EEPD1: variants seen among roughly 807,000 people sequenced by gnomAD.
EEPD1 encodes endonuclease/exonuclease/phosphatase family domain-containing protein 1.
In EEPD1, 17 loss-of-function variants were observed where a neutral mutation model predicts 46.3. The observed-to-expected ratio is 0.37, with a 90% CI of 0.25 to 0.55. The LOEUF is 0.55. Ranked by LOEUF, EEPD1 falls within the 20% of genes least tolerant of loss-of-function variation. The pLI, the probability that EEPD1 is intolerant of heterozygous loss-of-function variation, is 0.83. For missense variants in EEPD1, 673 were observed against 745.6 expected (o/e 0.90, Z 1.13); for synonymous variants, 313 against 315.6 (o/e 0.99, Z 0.09).
chr7:36,299,383 G>A lies in EEPD1; in HGVS notation c.*177G>A, dbSNP rs1338413879. The A allele has an allele frequency of 1.3e-6, 1 of 771,374 alleles. No individual in the cohort carries two copies. Among genetic ancestry groups the A allele is most frequent in the East Asian group, 2.7e-5 (1 of 37,082 alleles). The allele number at this position is 771,374 out of a possible 1,614,324, so 47.8% of individuals were successfully genotyped here. On this transcript the variant is annotated 3_prime_UTR_variant, in exon 8 of 8. Transcript: ENST00000242108. The stretch of plus-strand genomic sequence containing the variant: ...CCATTCAGGACCTCCAGTGGGGGTG[G>A]CGTGCCAGGCGCGTACCCCACCAGG...
chr7:36,197,148 C>G (rs1449907046), intron 2 of EEPD1, among the ~76,000 whole-genome samples: 1 of 150,950 alleles, frequency 6.6e-6, no homozygotes, highest in Non-Finnish European at 1.5e-5. Flanking sequence ...ACCGCCCCGT[C>G]TGAGAAGTGA....
chr7:36,176,426 C>T (rs1465517149), intron 2 of EEPD1, among the ~76,000 whole-genome samples: 6 of 152,318 alleles, frequency 3.9e-5, no homozygotes, highest in Non-Finnish European at 7.4e-5. Context: ...AATCAGGTCT[C>T]ATGGGAGCCT....
Position 36,201,449 on chromosome 7 carries a change from C to G in EEPD1, c.879-37536C>G, listed in dbSNP as rs77019144. On this transcript the variant is annotated intron_variant, in intron 2 of 7. Transcript: ENST00000242108. ...GGAGAAAAGCACTCAGGTGTGGGAG[C>G]AGGAAAGGTCTGGACTAGGTTCGAA... Among the ~76,000 whole-genome samples, 564 of 152,256 alleles carry G rather than the reference C, an allele frequency of 3.7e-3. 4 individuals carry two copies. The highest frequency in any genetic ancestry group is 0.013 in the African/African-American group (543 of 41,536).
rs145012043 is a variant in EEPD1 at position 36,199,035 on chromosome 7, G to A, written c.879-39950G>A. Among the ~76,000 whole-genome samples the A allele has an allele frequency of 3.3e-5, 5 of 151,966 alleles. No homozygotes were observed. In the East Asian group the frequency reaches 5.8e-4, roughly 18 times the overall value. On this transcript the variant is annotated intron_variant, in intron 2 of 7. Coordinates refer to ENST00000242108, the MANE Select transcript of EEPD1 (RefSeq NM_030636.3). The stretch of plus-strand genomic sequence containing the variant: ...AGAGCACCCTAAACATTGCCCACAG[G>A]CCCTCAATTTCACACTTACCCAGCC...
intron 2 of EEPD1, among the ~76,000 whole-genome samples, chr7:36,232,129 A>G (rs1168092389): frequency 1.0e-5 from 1 of 96,258 alleles, no homozygotes; most frequent in Non-Finnish European, 2.2e-5. Flanking sequence ...GTGTCTTATC[A>G]TCTTCTCTCC....
At chr7:36,291,546 C>T (rs1327853151) in intron 6 of EEPD1, among the ~76,000 whole-genome samples, 2 of 152,210 alleles carry the variant, frequency 1.3e-5, no homozygotes, top group Non-Finnish European at 2.9e-5. Context: ...TTCAAGCTGG[C>T]ACTGATTTCT....
chr7:36,277,379 G>A (rs1044222188), intron 3 of EEPD1, among the ~76,000 whole-genome samples: 2 of 152,202 alleles, frequency 1.3e-5, no homozygotes, highest in Admixed American at 6.5e-5. Context: ...AAGACGGTGC[G>A]TGCAATGGCA....
intron 3 of EEPD1, among the ~76,000 whole-genome samples, chr7:36,279,090 G>A (rs1787222367): frequency 2.1e-5 from 1 of 48,010 alleles, no homozygotes; most frequent in Non-Finnish European, 6.1e-5. Context: ...CCACCACCCC[G>A]ACTCCCCCGC....
rs193277236 is a variant in EEPD1 at position 36,170,351 on chromosome 7, G to C, written c.878+15149G>C. On this transcript the variant is annotated intron_variant, in intron 2 of 7. Coordinates refer to ENST00000242108, the MANE Select transcript of EEPD1 (RefSeq NM_030636.3). ...TTGAACCCGGGAGGCAGAGGTTGCAGTGAGCTGAGGTCGTGCCACTGCACT... is the reference window on the plus strand; with the variant it reads ...TTGAACCCGGGAGGCAGAGGTTGCACTGAGCTGAGGTCGTGCCACTGCACT... Among the ~76,000 whole-genome samples the C allele has an allele frequency of 4.1e-3, 631 of 152,264 alleles. 2 individuals are homozygous for C. The highest frequency in any genetic ancestry group is 0.014 in the African/African-American group (591 of 41,552).
At chr7:36,279,934 A>G (rs1787235061) in intron 3 of EEPD1, among the ~76,000 whole-genome samples, 1 of 152,046 alleles carries the variant, frequency 6.6e-6, no homozygotes. Flanking sequence ...TATGCCAGTG[A>G]CCCCCGTGAG....
rs7803174 is a variant in EEPD1, at chr7:36,300,376, G to A, written c.*1170G>A. The A allele has an allele frequency of 0.26, 40,037 of 152,224 alleles. 6,051 individuals are homozygous for A. The highest frequency in any genetic ancestry group is 0.48 in the South Asian group (2,313 of 4,822). The allele number at this position is 152,224 out of a possible 1,614,324, so 9.4% of individuals were successfully genotyped here. On this transcript the variant is annotated 3_prime_UTR_variant, in exon 8 of 8. Transcript: ENST00000242108. ...CTGCCACAATTTGCGTTTCACAGCT[G>A]AAGACGCTGAGGCTTAGAGAGCTCG...
intron 5 of EEPD1, among the ~76,000 whole-genome samples, chr7:36,286,966 T>C (rs1425389052): frequency 1.3e-5 from 2 of 152,090 alleles, no homozygotes; most frequent in Non-Finnish European, 2.9e-5. Flanking sequence ...CTCATGCCTA[T>C]AATCCCAGAA....
chr7:36,291,055 A>T lies in EEPD1; in HGVS notation c.1315+3278A>T, dbSNP rs187047166. On this transcript the variant is annotated intron_variant, in intron 6 of 7. Transcript: ENST00000242108. ...CGTTGTCACTCCTGAAGCTACACAG[A>T]GCTGGCTCTATTGACCCTTGACACC... is the stretch of plus-strand genomic sequence containing the variant. 2.8e-3 allele frequency among the ~76,000 whole-genome samples: 429 copies of T among 152,318 alleles called. 5 individuals carry two copies. Among genetic ancestry groups the T allele is most frequent in the African/African-American group, 9.7e-3 (404 of 41,562 alleles).
intron 2 of EEPD1, among the ~76,000 whole-genome samples, chr7:36,190,896 G>T (rs904091162): frequency 6.6e-6 from 1 of 152,196 alleles, no homozygotes; most frequent in Non-Finnish European, 1.5e-5. Context: ...GGCATGACTT[G>T]CAGCCAGCAC....
rs566063098 is a variant in EEPD1 at position 36,266,118 on chromosome 7, C to G, written c.931-14997C>G. ...CTCACTTGGGGTTTGCCACGCTCCC[C>G]TTTCCTAGACTCTCACAAAATAGCC... On this transcript the variant is annotated intron_variant, in intron 3 of 7. Coordinates refer to ENST00000242108, the MANE Select transcript of EEPD1 (RefSeq NM_030636.3). Among the ~76,000 whole-genome samples, 232 of 152,272 alleles carry G rather than the reference C, an allele frequency of 1.5e-3. 1 individual carries two copies. The highest frequency in any genetic ancestry group is 5.3e-3 in the African/African-American group (219 of 41,546).
chr7:36,263,097 G>C (rs1786956769), intron 3 of EEPD1, among the ~76,000 whole-genome samples: 1 of 152,116 alleles, frequency 6.6e-6, no homozygotes, highest in Admixed American at 6.5e-5. Context: ...CAGCTACTTG[G>C]GAGGCTGAGG....
At chr7:36,169,051 T>C (rs1422613492) in intron 2 of EEPD1, among the ~76,000 whole-genome samples, 1 of 152,214 alleles carries the variant, frequency 6.6e-6, no homozygotes. Context: ...AGTATTTCTT[T>C]TTCTTCTTAA....
intron 2 of EEPD1, among the ~76,000 whole-genome samples, chr7:36,197,380 C>T (rs1785623489): frequency 1.3e-5 from 2 of 151,624 alleles, no homozygotes; most frequent in South Asian, 4.2e-4. Flanking sequence ...GTGAGGAGCC[C>T]CTCTGCCCGG....
In EEPD1 at chr7:36,297,093, G is replaced by T. The variant is rs370007109; in HGVS notation, c.1416G>T (p.Ala472=). Residue 472 remains alanine (A), a synonymous_variant, in exon 7 of 8, where the codon GCG becomes GCT. Coordinates refer to ENST00000242108, the MANE Select transcript of EEPD1 (RefSeq NM_030636.3). The part of the protein sequence containing the change: ...RKEKFHHLIP[A]HTFTNISTKN... ...AAAAGTTCCACCACCTGATCCCCGC[G>T]CACACCTTCACCAACATCAGCACCA... The T allele has an allele frequency of 6.2e-7, 1 of 1,614,164 alleles. No homozygotes were observed. Among genetic ancestry groups the T allele is most frequent in the African/African-American group, 1.3e-5 (1 of 75,020 alleles).
Sources: allele counts gnomAD v4.1 joint callset (sites outside exome capture counted in the v4.1 genomes callset), GRCh38; gene constraint gnomAD v4.1.1; transcripts MANE v1.5; gene names NCBI Gene and HGNC (gene_info 2026-07-23, HGNC 2026-07-21).